Variants in FAT3 observed in about 807,000 individuals in gnomAD.
FAT3 encodes protocadherin Fat 3.
In FAT3, 95 loss-of-function variants were observed where a neutral mutation model predicts 310.2. The ratio of observed to expected loss-of-function variants is 0.31; its 90% CI spans 0.26 to 0.36. The LOEUF (loss-of-function observed/expected upper bound fraction) is 0.36. Ranked by LOEUF, FAT3 falls within the 10% of genes least tolerant of loss-of-function variation. FAT3 has a pLI of 1.00. For missense variants in FAT3, 5,408 were observed against 5,715.6 expected (o/e 0.95, Z 1.74); for synonymous variants, 2,314 against 2,192.9 (o/e 1.06, Z -1.54).
At chr11:92,247,148 A>G (rs945486819) in intron 1 of FAT3, among the ~76,000 whole-genome samples, 8 of 151,992 alleles carry the variant, frequency 5.3e-5, no homozygotes, top group African/African-American at 1.9e-4. Flanking sequence ...TGGCTGTGGA[A>G]TTAGGCTCCT....
chr11:92,413,587 G>C (rs1223344391), intron 2 of FAT3, among the ~76,000 whole-genome samples: 1 of 152,174 alleles, frequency 6.6e-6, no homozygotes, highest in African/African-American at 2.4e-5. Context: ...AGCTTCCTCT[G>C]TCTGAATTGG....
intron 3 of FAT3, among the ~76,000 whole-genome samples, chr11:92,556,684 G>A (rs1283360289): frequency 6.6e-6 from 1 of 152,124 alleles, no homozygotes; most frequent in Non-Finnish European, 1.5e-5. Flanking sequence ...GTTTCCACAC[G>A]CAATTTATCA....
chr11:92,451,313 C>A (rs1951347266), intron 2 of FAT3, among the ~76,000 whole-genome samples: 1 of 152,182 alleles, frequency 6.6e-6, no homozygotes, highest in East Asian at 1.9e-4. Context: ...CTAGGGAAGC[C>A]TCAGCACAGC....
chr11:92,765,738 G>A (rs936165816), intron 6 of FAT3, among the ~76,000 whole-genome samples: 14 of 150,664 alleles, frequency 9.3e-5, no homozygotes, highest in African/African-American at 3.2e-4. Context: ...TGCATTACTC[G>A]TATCCAATGA....
At chr11:92,711,338 A>C (rs1056490803) in intron 4 of FAT3, among the ~76,000 whole-genome samples, 1 of 152,178 alleles carries the variant, frequency 6.6e-6, no homozygotes, top group African/African-American at 2.4e-5. Context: ...CTCATTAAAT[A>C]GCAATCTAGG....
intron 3 of FAT3, among the ~76,000 whole-genome samples, chr11:92,597,133 C>CA (rs1463280275): frequency 1.3e-5 from 2 of 152,116 alleles, no homozygotes; most frequent in Non-Finnish European, 2.9e-5. Flanking sequence ...ATTTATAGGT[C>CA]ATATTCTGGT....
At chr11:92,866,384 G>A (rs1329821680) in intron 21 of FAT3, among the ~76,000 whole-genome samples, 1 of 152,142 alleles carries the variant, frequency 6.6e-6, no homozygotes, top group Non-Finnish European at 1.5e-5. Context: ...TCCTGTGGTG[G>A]TAATGACTAA....
chr11:92,393,183 G>T (rs1309756204), intron 2 of FAT3, among the ~76,000 whole-genome samples: 1 of 152,084 alleles, frequency 6.6e-6, no homozygotes, highest in African/African-American at 2.4e-5. Flanking sequence ...AGATGAAAGA[G>T]ACCTATGGAA....
chr11:92,883,053 C>A lies in FAT3; in HGVS notation c.12597C>A (p.Ala4199=), dbSNP rs750160076. 1.2e-5 allele frequency: 19 copies of A among 1,613,958 alleles called. 1 individual carries two copies. The South Asian group carries it at 2.1e-4, about 18-fold the overall frequency. Residue 4199 remains alanine, a synonymous_variant, in exon 24 of 28, where the codon GCC becomes GCA. Coordinates refer to ENST00000525166, the MANE Select transcript of FAT3 (RefSeq NM_001367949.2). This position sits in a 1 kb window ranked among gnomAD's most constrained non-coding sequence, Gnocchi z 4.2. ...ITLVQDPATA[A]LLNKSNGIPF... is the part of the protein sequence containing the mutation. ...TAGTGCAGGACCCGGCCACCGCCGC[C>A]CTGCTTAACAAGAGCAATGGCATCC...
At chr11:92,743,060 T>C (rs879520701) in intron 4 of FAT3, among the ~76,000 whole-genome samples, 47 of 152,212 alleles carry the variant, frequency 3.1e-4, no homozygotes, top group Non-Finnish European at 5.7e-4. Context: ...CCTTGAAATA[T>C]CAGACCTACA....
intron 2 of FAT3, among the ~76,000 whole-genome samples, chr11:92,362,135 C>A (rs557092071): frequency 1.3e-5 from 2 of 152,304 alleles, no homozygotes; most frequent in South Asian, 4.1e-4. Context: ...TGCACTGAGG[C>A]TCTTGAAACA....
At chr11:92,687,846 A>G (rs763975081) in intron 3 of FAT3, among the ~76,000 whole-genome samples, 6 of 152,056 alleles carry the variant, frequency 3.9e-5, no homozygotes, top group African/African-American at 9.7e-5. Flanking sequence ...AAGCCAGTAT[A>G]GTATGGGAAG....
chr11:92,823,195 C>T (rs1345270983), intron 13 of FAT3, among the ~76,000 whole-genome samples: 2 of 152,176 alleles, frequency 1.3e-5, no homozygotes, highest in East Asian at 1.9e-4. Flanking sequence ...AGTGGTCACA[C>T]TTAGTGGCCC....
intron 3 of FAT3, among the ~76,000 whole-genome samples, chr11:92,561,500 A>C (rs1249743636): frequency 6.6e-6 from 1 of 152,062 alleles, no homozygotes; most frequent in Non-Finnish European, 1.5e-5. Flanking sequence ...TCCCATAAAA[A>C]ATCTTGTCTT....
intron 4 of FAT3, among the ~76,000 whole-genome samples, chr11:92,760,219 C>T (rs780923044): frequency 2.0e-5 from 3 of 152,170 alleles, no homozygotes; most frequent in Non-Finnish European, 4.4e-5. Context: ...TCAAAGAAAG[C>T]GAGAACTTGT....
chr11:92,719,925 G>A (rs189276242), intron 4 of FAT3, among the ~76,000 whole-genome samples: 209 of 152,236 alleles, frequency 1.4e-3, no homozygotes, highest in African/African-American at 4.6e-3. Context: ...GAAAAAGCAA[G>A]GAGTAATGCT....
Position 92,352,715 on chromosome 11 carries a change from T to A in FAT3, c.603T>A (p.Val201=). ...GEFYYYFKNK[V]DLFSVHPTSG... is the part of the protein sequence containing the mutation. ...TCTACTACTACTTTAAAAATAAAGT[T>A]GATCTCTTTTCAGTTCACCCCACGA... The change falls in exon 2 of 28, where the codon GTT becomes GTA. Residue 201 remains valine, a synonymous_variant. Coordinates refer to ENST00000525166, the MANE Select transcript of FAT3 (RefSeq NM_001367949.2). The A allele has an allele frequency of 6.2e-7, 1 of 1,613,836 alleles. No homozygotes were observed.
rs570496804 is a variant in FAT3 at position 92,894,536 on chromosome 11, C to G, written c.*3423C>G. 2.0e-5 allele frequency: 3 copies of G among 152,304 alleles called. No individual in the cohort carries two copies. Among genetic ancestry groups the G allele is most frequent in the East Asian group, 3.9e-4 (2 of 5,188 alleles). 9.4% of individuals were successfully genotyped at this position (152,304 alleles called of 1,614,324 possible). On this transcript the variant is annotated 3_prime_UTR_variant, in exon 28 of 28. Coordinates refer to ENST00000525166, the MANE Select transcript of FAT3 (RefSeq NM_001367949.2). Reference sequence around the variant, plus strand: ...CCCATAATCTGTTGTAGGCACTTTACTAGTATTGCACACATTCTGGTTAGG... The same window carrying G: ...CCCATAATCTGTTGTAGGCACTTTAGTAGTATTGCACACATTCTGGTTAGG...
chr11:92,645,439 T>C (rs1325963362), intron 3 of FAT3, among the ~76,000 whole-genome samples: 1 of 151,892 alleles, frequency 6.6e-6, no homozygotes, highest in Non-Finnish European at 1.5e-5. Context: ...GCCCCCTTTT[T>C]TCCTAATAAA....
Sources: gnomAD v4.1 joint callset for allele counts (sites outside exome capture counted in the v4.1 genomes callset) on GRCh38, gnomAD v4.1.1 for gene constraint, Gnocchi (gnomAD v3.1) non-coding constraint, MANE v1.5 for transcripts, NCBI Gene and HGNC (gene_info 2026-07-23, HGNC 2026-07-21) for gene names.